TMEM135: variants seen among roughly 807,000 people sequenced by gnomAD.
TMEM135 encodes transmembrane protein 135.
TMEM135 carries 30 observed loss-of-function variants against 60.3 expected under a neutral mutation model. The ratio of observed to expected loss-of-function variants is 0.50; its 90% CI spans 0.37 to 0.68. The LOEUF (loss-of-function observed/expected upper bound fraction) is 0.68, where lower values mean the gene tolerates loss of function less well. Ranked by LOEUF, TMEM135 falls within the 30% of genes least tolerant of loss-of-function variation. The pLI is 0.00. For synonymous variants in TMEM135, 190 were observed against 186.7 expected (o/e 1.02, Z -0.14); for missense variants, 468 against 548.8 (o/e 0.85, Z 1.47).
intron 9 of TMEM135, among the ~76,000 whole-genome samples, chr11:87,308,322 A>T (rs996755353): frequency 2.6e-5 from 4 of 152,174 alleles, no homozygotes; most frequent in African/African-American, 9.7e-5. Flanking sequence ...AAATCCTTAG[A>T]TTATAAGGTT....
At position 87,313,487 on chromosome 11, in the gene TMEM135, T is replaced by C. The variant is rs1273835883; in HGVS notation, c.999T>C (p.Ala333=). 2 of 1,609,210 alleles carry C rather than the reference T, an allele frequency of 1.2e-6. No homozygotes were observed. The highest frequency in any genetic ancestry group is 1.1e-5 in the South Asian group (1 of 90,842). Reference sequence around the variant, plus strand: ...ATGATGAACTACATGCTATTATAGCTGGTAAAGCAATAATAAAAATGAATG... The same window carrying C: ...ATGATGAACTACATGCTATTATAGCCGGTAAAGCAATAATAAAAATGAATG... ...NLDDELHAII[A]GFLAGISMMF... is the part of the protein sequence containing the mutation. The change falls in exon 11 of 15, where the codon GCT becomes GCC. Residue 333 remains alanine, a splice_region_variant and synonymous_variant. Coordinates refer to ENST00000305494, the MANE Select transcript of TMEM135 (RefSeq NM_022918.4).
intron 5 of TMEM135, among the ~76,000 whole-genome samples, chr11:87,160,748 T>C (rs1478767291): frequency 6.6e-6 from 1 of 152,232 alleles, no homozygotes; most frequent in African/African-American, 2.4e-5. Context: ...ATATATGGCT[T>C]AAAATGAATA....
chr11:87,136,264 T>A (rs10898607), intron 4 of TMEM135, among the ~76,000 whole-genome samples: 14,150 of 152,080 alleles, frequency 0.093, 758 homozygotes, highest in East Asian at 0.18. Context: ...GCTTTTTCTG[T>A]ATCTATAGAG....
rs142479819 is a variant in TMEM135 at position 87,099,932 on chromosome 11, C to T, written c.396+8537C>T. On this transcript the variant is annotated intron_variant, in intron 4 of 14. Coordinates refer to ENST00000305494, the MANE Select transcript of TMEM135 (RefSeq NM_022918.4). ...TCCTGACCTTGTTATCTGCCCTCCTCGGCCTCCCAAAGTGCTGGGATTACA... is the reference window on the plus strand; with the variant it reads ...TCCTGACCTTGTTATCTGCCCTCCTTGGCCTCCCAAAGTGCTGGGATTACA... 5.8e-3 allele frequency among the ~76,000 whole-genome samples: 876 copies of T among 152,108 alleles called. 29 individuals carry two copies. The highest frequency in any genetic ancestry group is 0.017 in the East Asian group (87 of 5,174).
chr11:87,193,191 A>C (rs1268689647), intron 5 of TMEM135, among the ~76,000 whole-genome samples: 1 of 152,152 alleles, frequency 6.6e-6, no homozygotes, highest in African/African-American at 2.4e-5. Flanking sequence ...TGAGTGATAC[A>C]CAGCAGTGGA....
intron 4 of TMEM135, among the ~76,000 whole-genome samples, chr11:87,092,913 C>A (rs1010238936): frequency 6.6e-5 from 7 of 106,666 alleles, no homozygotes; most frequent in African/African-American, 2.7e-4. Context: ...ATTGGGTTTA[C>A]TAGGATATAG....
At chr11:87,185,422 C>T (rs1179860372) in intron 5 of TMEM135, among the ~76,000 whole-genome samples, 3 of 152,106 alleles carry the variant, frequency 2.0e-5, no homozygotes, top group African/African-American at 7.2e-5. Context: ...CTGATTTTTG[C>T]TGATCCTTGT....
intron 5 of TMEM135, among the ~76,000 whole-genome samples, chr11:87,166,152 C>T (rs971724306): frequency 5.3e-5 from 8 of 151,676 alleles, no homozygotes; most frequent in Non-Finnish European, 1.0e-4. Flanking sequence ...TGTCCTTTGG[C>T]CACTTTTTGA....
chr11:87,213,346 A>G (rs1591108489), intron 5 of TMEM135, among the ~76,000 whole-genome samples: 2 of 152,238 alleles, frequency 1.3e-5, no homozygotes, highest in South Asian at 4.1e-4. Flanking sequence ...CAACTATACG[A>G]TTTTGTTTTG....
chr11:87,206,171 C>G (rs1477261287), intron 5 of TMEM135, among the ~76,000 whole-genome samples: 1 of 152,038 alleles, frequency 6.6e-6, no homozygotes, highest in African/African-American at 2.4e-5. Context: ...TTTGAAAGGA[C>G]CATACTCTGT....
chr11:87,192,516 T>A (rs984785586), intron 5 of TMEM135, among the ~76,000 whole-genome samples: 4 of 152,266 alleles, frequency 2.6e-5, no homozygotes, highest in Non-Finnish European at 5.9e-5. Flanking sequence ...GTTTTACCCA[T>A]GTTTGTGTTT....
intron 4 of TMEM135, among the ~76,000 whole-genome samples, chr11:87,136,265 A>G (rs1459659655): frequency 6.6e-6 from 1 of 151,990 alleles, no homozygotes; most frequent in African/African-American, 2.4e-5. Context: ...CTTTTTCTGT[A>G]TCTATAGAGA....
chr11:87,068,810 A>G (rs947309920), intron 2 of TMEM135, among the ~76,000 whole-genome samples: 16 of 31,922 alleles, frequency 5.0e-4, no homozygotes, highest in Non-Finnish European at 7.6e-4. Flanking sequence ...GACTGTCTCA[A>G]AAAAAAAAAA....
At chr11:87,192,918 C>T (rs1270516685) in intron 5 of TMEM135, among the ~76,000 whole-genome samples, 1 of 152,038 alleles carries the variant, frequency 6.6e-6, no homozygotes. Context: ...AGTTCAAGGC[C>T]AGCCTGGCCA....
chr11:87,089,783 G>T (rs923155011), intron 3 of TMEM135, among the ~76,000 whole-genome samples: 5 of 151,962 alleles, frequency 3.3e-5, no homozygotes, highest in Non-Finnish European at 7.4e-5. Flanking sequence ...CAGTATTAGA[G>T]TATTTTTGAT....
intron 1 of TMEM135, among the ~76,000 whole-genome samples, chr11:87,039,552 G>A (rs1229320455): frequency 2.6e-5 from 4 of 152,216 alleles, no homozygotes; most frequent in African/African-American, 4.8e-5. Flanking sequence ...ACTGTGGCCA[G>A]TCTATGTCTC....
chr11:87,212,594 G>T (rs1203958131), intron 5 of TMEM135, among the ~76,000 whole-genome samples: 1 of 151,990 alleles, frequency 6.6e-6, no homozygotes, highest in Non-Finnish European at 1.5e-5. Context: ...GGCCGAGGTG[G>T]GTGGATCACC....
chr11:87,202,073 T>G (rs1940113753), intron 5 of TMEM135, among the ~76,000 whole-genome samples: 1 of 152,136 alleles, frequency 6.6e-6, no homozygotes. Flanking sequence ...TTGCCCAAAC[T>G]GGAGTGCAAT....
chr11:87,120,376 G>A (rs1157270979), intron 4 of TMEM135, among the ~76,000 whole-genome samples: 4 of 151,090 alleles, frequency 2.6e-5, no homozygotes, highest in Admixed American at 6.6e-5. Flanking sequence ...AAAACTCTGG[G>A]ATTTAACAGT....
Sources: gnomAD v4.1 joint callset for allele counts (sites outside exome capture counted in the v4.1 genomes callset) on GRCh38, gnomAD v4.1.1 for gene constraint, MANE v1.5 for transcripts, NCBI Gene and HGNC (gene_info 2026-07-23, HGNC 2026-07-21) for gene names.